GRIPAP1: variants seen among roughly 807,000 people sequenced by gnomAD.
The protein encoded by GRIPAP1 is GRIP1 associated protein 1, also known as GRIP1-associated protein 1.
GRIPAP1 carries 14 observed loss-of-function variants against 84.1 expected under a neutral mutation model. That is an observed-to-expected ratio of 0.17 (90% CI 0.11 to 0.26). The LOEUF (loss-of-function observed/expected upper bound fraction) is 0.26. Among genes scored for constraint, GRIPAP1 ranks in the 10% least tolerant of loss-of-function variants. The pLI is 1.00. For missense variants in GRIPAP1, 518 were observed against 674.2 expected (o/e 0.77, Z 2.57); for synonymous variants, 261 against 256.8 (o/e 1.02, Z -0.15).
chrX:48,980,178 G>A (rs941795315), intron 21 of GRIPAP1, among the ~76,000 whole-genome samples: 2 of 108,042 alleles, frequency 1.9e-5, no homozygotes, highest in Non-Finnish European at 3.8e-5. Flanking sequence ...TTACTTAAAT[G>A]TATTTATAGG....
At chrX:48,981,036 A>G (rs973265006) in intron 21 of GRIPAP1, among the ~76,000 whole-genome samples, 179 bp downstream of exon 21, 8 of 112,141 alleles carry the variant, frequency 7.1e-5, no homozygotes, top group South Asian at 3.7e-4. Context: ...AGATAGAAAT[A>G]AAGAGAGAAT....
At chrX:48,986,499 C>CT (rs2064488643) in intron 13 of GRIPAP1, among the ~76,000 whole-genome samples, 1 of 110,661 alleles carries the variant, frequency 9.0e-6, no homozygotes, top group Non-Finnish European at 1.9e-5. Flanking sequence ...TCAAGCAATT[C>CT]TCCTGCCTCA....
At chrX:48,999,938 G>A (rs927079892) in intron 1 of GRIPAP1, among the ~76,000 whole-genome samples, 4 of 111,182 alleles carry the variant, frequency 3.6e-5, no homozygotes, top group African/African-American at 9.8e-5. Context: ...ATGGCAGGGG[G>A]TTAAGGGCCT....
At chrX:48,985,969 G>A (rs781893309) in intron 13 of GRIPAP1, among the ~76,000 whole-genome samples, 2 of 111,221 alleles carry the variant, frequency 1.8e-5, no homozygotes, top group African/African-American at 3.3e-5. Context: ...GAAGCCGGGC[G>A]CGGTGGCTCA....
At chrX:48,997,698 A>G (rs1163806744) in intron 4 of GRIPAP1, among the ~76,000 whole-genome samples, 1 of 108,973 alleles carries the variant, frequency 9.2e-6, no homozygotes, top group Non-Finnish European at 1.9e-5. Flanking sequence ...AAAGACGGAG[A>G]GAAGAACAAA....
chrX:48,980,265 GTC>G (rs1491062657), intron 21 of GRIPAP1, among the ~76,000 whole-genome samples: 10 of 87,930 alleles, frequency 1.1e-4, no homozygotes, highest in African/African-American at 3.9e-4. Context: ...GTGTGTGTGT[GTC>G]TTCTGCTTGA....
Position 48,985,382 on chromosome X carries a change from T to C in GRIPAP1, c.1062A>G (p.Gln354=). The part of the protein sequence containing the change: ...ALEQIQTAKT[Q]ELNMLREQTT... ...TCTGTTCCCGGAGCATATTCAGTTC[T>C]TGGGTCTTTGCTGTTTGGATCTGGA... Residue 354 remains glutamine, a synonymous_variant, in exon 14 of 26, where the codon CAA becomes CAG. Transcript: ENST00000376423. 1 of 1,210,223 alleles carries C rather than the reference T, an allele frequency of 8.3e-7. No individual in the cohort carries two copies. The highest frequency in any genetic ancestry group is 1.1e-6 in the Non-Finnish European group (1 of 894,202).
chrX:48,978,895 C>CA (rs57629559), intron 21 of GRIPAP1, among the ~76,000 whole-genome samples: 3,159 of 71,238 alleles, frequency 0.044, 199 homozygotes, highest in African/African-American at 0.17. Flanking sequence ...ACTCTTGTCT[C>CA]AAAAAAAAAA....
At chrX:48,993,808 C>A (rs978266091) in intron 5 of GRIPAP1, among the ~76,000 whole-genome samples, 2 of 111,591 alleles carry the variant, frequency 1.8e-5, no homozygotes, top group Non-Finnish European at 1.9e-5. Context: ...AAGAGCATAC[C>A]AAGTATGAGG....
rs782225159 is a variant in GRIPAP1 at position 48,986,621 on chromosome X, C to T, written c.1041+1164G>A. Among the ~76,000 whole-genome samples the T allele has an allele frequency of 3.6e-5, 4 of 110,033 alleles. No individual in the cohort carries two copies. In the East Asian group the frequency reaches 1.2e-3, roughly 32 times the overall value. ...TATTGGCCAGGCTGGTCTCGAACTC[C>T]GAACCCCAGGTGATCCGCCCGTCTC... On this transcript the variant is annotated intron_variant, in intron 13 of 25. Transcript: ENST00000376423.
At position 48,976,906 on chromosome X, in the gene GRIPAP1, A is replaced by AT. The variant is rs782246047; in HGVS notation, c.2062-544dup. The AT allele has an allele frequency of 3.0e-3, 302 of 101,201 alleles. 2 individuals are homozygous for AT. The Middle Eastern group carries it at 0.031, about 10-fold the overall frequency. The allele number at this position is 101,201 out of a possible 1,213,427, so 8.3% of individuals were successfully genotyped here. ...AAGGTCAAAGTATCAGACGACATGA[A>AT]TTTTTTTTTTTTTTTTGAGACAGAA... On this transcript the variant is annotated intron_variant, in intron 22 of 25. Transcript: ENST00000376423.
intron 21 of GRIPAP1, among the ~76,000 whole-genome samples, chrX:48,980,986 G>A (rs2064453252): frequency 8.9e-6 from 1 of 111,952 alleles, no homozygotes; most frequent in Non-Finnish European, 1.9e-5. Flanking sequence ...GACAGAGGCA[G>A]AGACAGAAAC....
Position 48,999,219 on chromosome X carries a change from G to A in GRIPAP1, c.171+19C>T, listed in dbSNP as rs199865158. ...GCAAGGGTGGATGGGTAGGTGGATG[G>A]GTGGGTGGAGGGAGGTACCTTCTGA... On this transcript the variant is annotated intron_variant, in intron 3 of 25. Transcript: ENST00000376423. 152 of 1,168,876 alleles carry A rather than the reference G, an allele frequency of 1.3e-4. 2 individuals are homozygous for A. In the Admixed American group the frequency reaches 3.2e-3, roughly 25 times the overall value.
Position 48,975,235 on chromosome X carries a change from C to T in GRIPAP1, c.2353G>A (p.Asp785Asn). Residue 785 changes from aspartate to asparagine, a missense_variant, in exon 25 of 26, where the codon GAC becomes AAC. Around this residue, in one of 5 missense-constraint regions of GRIPAP1, gnomAD observed 32 missense variants for 82.4 expected, o/e 0.39. Transcript: ENST00000376423. ...TTGTTCATCTCCCGAAGGTTCTCGT[C>T]ACCTGGCTTCACTAGGTCTCTCAGG... Reference protein sequence around the residue: ...SVLRDLVKPGDENLREMNKKL... With the variant: ...SVLRDLVKPGNENLREMNKKL... The T allele has an allele frequency of 3.3e-6, 4 of 1,210,287 alleles. No individual in the cohort carries two copies. The highest frequency in any genetic ancestry group is 4.6e-4 in the Middle Eastern group (2 of 4,352).
rs782557685 is a variant in GRIPAP1, at chrX:48,975,178, T to C, written c.2410A>G (p.Thr804Ala). ...KLQNMLEEQL[T>A]KNMHLHKDME... ...GCCTTGTGCAAGTGCATATTCTTGG[T>C]GAGCTGCTCCTCCAGCATGTTCTGC... Residue 804 changes from threonine to alanine, a missense_variant, in exon 25 of 26, where the codon ACC becomes GCC. By Grantham distance (58) the Thr-to-Ala change is moderately conservative. Transcript: ENST00000376423. The C allele has an allele frequency of 8.3e-7, 1 of 1,209,877 alleles. No individual in the cohort carries two copies. The highest frequency in any genetic ancestry group is 2.2e-5 in the Admixed American group (1 of 45,916).
intron 15 of GRIPAP1, 37 bp from the exon 16 acceptor site, chrX:48,983,477 C>A (rs1557062854): frequency 8.8e-7 from 1 of 1,134,923 alleles, no homozygotes; most frequent in Non-Finnish European, 1.2e-6. Flanking sequence ...CTTCCTTCCA[C>A]AACATCGAAA....
chrX:48,993,438 C>T lies in GRIPAP1; in HGVS notation c.447G>A (p.Lys149=). 17 of 1,158,675 alleles carry T rather than the reference C, an allele frequency of 1.5e-5. No homozygotes were observed. Among genetic ancestry groups the T allele is most frequent in the Non-Finnish European group, 2.0e-5 (17 of 869,329 alleles). ...AGGGCCTCTATGCACCTGCCACGTT[C>T]TTCTGCAAGGCTGTGTTTTCAGCCT... The part of the protein sequence containing the change: ...RLQAENTALQ[K]NVAALQERYG... Residue 149 remains lysine, a synonymous_variant, in exon 6 of 26, where the codon AAG becomes AAA. Transcript: ENST00000376423.
chrX:48,999,414 T>A, intron 2 of GRIPAP1, 24 bp downstream of exon 2: 1 of 1,165,829 alleles, frequency 8.6e-7, no homozygotes, highest in Non-Finnish European at 1.2e-6. Context: ...GCCACCCCCA[T>A]CTAATAAGGC....
At position 48,983,214 on chromosome X, in the gene GRIPAP1, A is replaced by G; in HGVS notation, c.1485+14T>C. The G allele has an allele frequency of 8.4e-7, 1 of 1,194,970 alleles. No homozygotes were observed. The highest frequency in any genetic ancestry group is 1.1e-6 in the Non-Finnish European group (1 of 880,126). The stretch of plus-strand genomic sequence containing the variant: ...GTTTTAGAGGAAGAAGGGCATCATC[A>G]TCTACCCACCCACCTTCTCCTCCCG... On this transcript the variant is annotated intron_variant, in intron 16 of 25. Transcript: ENST00000376423.
Sources: gnomAD v4.1 joint callset for allele counts (sites outside exome capture counted in the v4.1 genomes callset) on GRCh38, gnomAD v4.1.1 for gene constraint, gnomAD v4.1.1 regional missense constraint, MANE v1.5 for transcripts, NCBI Gene and HGNC (gene_info 2026-07-23, HGNC 2026-07-21) for gene names.